Variants in ZNF610 observed in about 807,000 individuals in gnomAD.
ZNF610 encodes the protein zink finger protein.
Under a neutral mutation model 14.1 loss-of-function variants are expected in ZNF610, and 14 were observed. The observed-to-expected ratio is 0.99, with a 90% CI of 0.65 to 1.55. The LOEUF is 1.55. Among genes scored for constraint, ZNF610 ranks in the 40% most tolerant of loss-of-function variants. The pLI is 0.00. For synonymous variants in ZNF610, 185 were observed against 187.6 expected, an observed-to-expected ratio of 0.99 and a Z score of 0.11; for missense variants, 530 against 558.0, an observed-to-expected ratio of 0.95 and a Z score of 0.51.
Position 52,366,590 on chromosome 19 carries a change from A to G in ZNF610, c.1212A>G (p.Glu404=), listed in dbSNP as rs1986077530. The G allele has an allele frequency of 1.2e-6, 2 of 1,614,106 alleles. No individual in the cohort carries two copies. The highest frequency in any genetic ancestry group is 1.3e-5 in the African/African-American group (1 of 74,934). ...GAGAGAAACCTTACAAATGTAATGA[A>G]TGTGACAAAGTCTTTGGGCGCAAAT... ...HTGEKPYKCN[E]CDKVFGRKLY... The change falls in exon 6 of 6, where the codon GAA becomes GAG. Residue 404 remains glutamate (E), a synonymous_variant. Coordinates refer to ENST00000403906, the MANE Select transcript of ZNF610 (RefSeq NM_001161425.2).
At chr19:52,344,863 A>G (rs1338498978) in intron 1 of ZNF610, among the ~76,000 whole-genome samples, 1 of 152,090 alleles carries the variant, frequency 6.6e-6, no homozygotes, top group African/African-American at 2.4e-5. Context: ...GCTCACTGCA[A>G]CCTCTGCCTC....
upstream of ZNF610, among the ~76,000 whole-genome samples, chr19:52,334,820 T>G (rs977698070): frequency 6.6e-6 from 1 of 151,768 alleles, no homozygotes; most frequent in Non-Finnish European, 1.5e-5. Context: ...CCCCAGCTAC[T>G]TGGGAGGCTG....
In ZNF610 at chr19:52,366,227, T is replaced by C. The variant is rs1986038228; in HGVS notation, c.849T>C (p.Thr283=). 1.9e-6 allele frequency: 3 copies of C among 1,613,980 alleles called. No homozygotes were observed. Among genetic ancestry groups the C allele is most frequent in the Admixed American group, 1.7e-5 (1 of 59,988 alleles). ...TTGCACGACATCAAAGAATTCATAC[T>C]GGAGAGAAGCCTCACAAATGTAACG... The part of the protein sequence containing the change: ...SNLARHQRIH[T]GEKPHKCNEC... Residue 283 remains threonine, a synonymous_variant, in exon 6 of 6, where the codon ACT becomes ACC. Coordinates refer to ENST00000403906, the MANE Select transcript of ZNF610 (RefSeq NM_001161425.2).
intron 1 of ZNF610, among the ~76,000 whole-genome samples, chr19:52,337,961 A>G (rs1312957682): frequency 6.6e-6 from 1 of 152,210 alleles, no homozygotes; most frequent in Non-Finnish European, 1.5e-5. Flanking sequence ...CTTACAATCA[A>G]CACAATAGTG....
At chr19:52,364,960 GAT>G (rs1985945891) in intron 5 of ZNF610, among the ~76,000 whole-genome samples, 1 of 151,958 alleles carries the variant, frequency 6.6e-6, no homozygotes, top group African/African-American at 2.4e-5. Flanking sequence ...GATGTTTAAT[GAT>G]AGGCTGGGCA....
At chr19:52,335,894 G>A (rs958851307), upstream of ZNF610, among the ~76,000 whole-genome samples, 1 of 152,054 alleles carries the variant, frequency 6.6e-6, no homozygotes, top group Non-Finnish European at 1.5e-5. Context: ...GTATAGCACT[G>A]GGTCTACACT....
chr19:52,366,675 T>A lies in ZNF610; in HGVS notation c.1297T>A (p.Cys433Ser). Residue 433 changes from cysteine (C) to serine (S), a missense_variant, in exon 6 of 6, where the codon TGT (cysteine) becomes AGT (serine). Physicochemically the swap from Cys to Ser is moderately radical, Grantham distance 112 (BLOSUM62 -1). Transcript: ENST00000403906. Reference sequence around the variant, plus strand: ...AGAGAGACCTTACAAGTGTAATGCATGTGGCAAGGTCTTCAATCAAAATCC... The same window carrying A: ...AGAGAGACCTTACAAGTGTAATGCAAGTGGCAAGGTCTTCAATCAAAATCC... Reference protein sequence around the residue: ...TGERPYKCNACGKVFNQNPHL... With the variant: ...TGERPYKCNASGKVFNQNPHL... The A allele has an allele frequency of 6.2e-7, 1 of 1,614,254 alleles. No homozygotes were observed. Among genetic ancestry groups the A allele is most frequent in the Non-Finnish European group, 8.5e-7 (1 of 1,180,052 alleles).
Position 52,353,748 on chromosome 19 carries a change from G to C in ZNF610, c.130G>C (p.Gly44Arg). 1 of 1,613,928 alleles carries C rather than the reference G, an allele frequency of 6.2e-7. No homozygotes were observed. The highest frequency in any genetic ancestry group is 8.5e-7 in the Non-Finnish European group (1 of 1,179,956). ...GGAGGAGTGGAAATCCCTGGACCCT[G>C]GACAGAGGGCTTTATACAGGGACGT... ...SQEEWKSLDPGQRALYRDVML... is the reference protein window; with the variant it reads ...SQEEWKSLDPRQRALYRDVML... The change falls in exon 4 of 6, where the codon GGA becomes CGA. Residue 44 changes from glycine (G) to arginine (R), a missense_variant. Transcript: ENST00000403906.
rs754738374 is a variant in ZNF610 at position 52,353,748 on chromosome 19, G to T, written c.130G>T (p.Gly44Ter). The change falls in exon 4 of 6, where the codon GGA (glycine) becomes TGA (stop). Residue 44 changes from glycine (G) to a stop codon, truncating the protein, a stop_gained. Transcript: ENST00000403906. LOFTEE classifies it high-confidence loss of function. ...SQEEWKSLDP[G>*]QRALYRDVML... is the part of the protein sequence containing the mutation. The stretch of plus-strand genomic sequence containing the variant: ...GGAGGAGTGGAAATCCCTGGACCCT[G>T]GACAGAGGGCTTTATACAGGGACGT... 2 of 1,613,928 alleles carry T rather than the reference G, an allele frequency of 1.2e-6. No homozygotes were observed. Among genetic ancestry groups the T allele is most frequent in the Admixed American group, 3.3e-5 (2 of 59,986 alleles).
intron 1 of ZNF610, among the ~76,000 whole-genome samples, chr19:52,343,215 G>A (rs148763050): frequency 1.0e-3 from 153 of 152,324 alleles, no homozygotes; most frequent in African/African-American, 3.3e-3. Flanking sequence ...AAATGTAGGA[G>A]ATATTTTCTT....
chr19:52,360,030 C>T (rs960279036), intron 5 of ZNF610, among the ~76,000 whole-genome samples: 2 of 152,148 alleles, frequency 1.3e-5, no homozygotes, highest in Non-Finnish European at 2.9e-5. Flanking sequence ...AGCTTCTCTG[C>T]CCTCCCTGCG....
chr19:52,347,984 A>G (rs1209956729), intron 2 of ZNF610, 40 bp downstream of exon 2: 2 of 152,174 alleles, frequency 1.3e-5, no homozygotes, highest in Non-Finnish European at 1.5e-5. Flanking sequence ...TTAAACATGT[A>G]TATCATATTA....
upstream of ZNF610, among the ~76,000 whole-genome samples, chr19:52,333,565 T>C (rs62108268): frequency 0.082 from 12,422 of 152,244 alleles, 778 homozygotes; most frequent in African/African-American, 0.17. Flanking sequence ...CTAATAATGG[T>C]CACTGTTGTT....
chr19:52,340,749 C>T (rs1406992780), intron 1 of ZNF610, among the ~76,000 whole-genome samples: 10 of 152,012 alleles, frequency 6.6e-5, no homozygotes, highest in Non-Finnish European at 1.5e-5. Flanking sequence ...GGCGCAATCT[C>T]CACTCACTAC....
chr19:52,365,565 C>T (rs879581361), intron 5 of ZNF610, 133 bp from the exon 6 acceptor site: 3 of 820,012 alleles, frequency 3.7e-6, no homozygotes, highest in Admixed American at 2.5e-5. Flanking sequence ...TTTCAGCTCT[C>T]ACAATGTGAC....
At chr19:52,332,383 C>T (rs61263392), upstream of ZNF610, among the ~76,000 whole-genome samples, 1,171 of 152,262 alleles carry the variant, frequency 7.7e-3, 17 homozygotes, top group African/African-American at 0.027. The surrounding 1 kb of genome is among the most constrained non-coding windows in gnomAD (Gnocchi z 4.1). Context: ...GAAACAGGCT[C>T]ATCAAAAAGG....
At chr19:52,336,663 A>T (rs1984396710) in intron 1 of ZNF610, among the ~76,000 whole-genome samples, 157 bp downstream of exon 1, 2 of 152,164 alleles carry the variant, frequency 1.3e-5, no homozygotes, top group African/African-American at 4.8e-5. Context: ...CCGCAGCCCC[A>T]GTCCCGGCGG....
At chr19:52,340,039 A>G (rs1288017957) in intron 1 of ZNF610, among the ~76,000 whole-genome samples, 2 of 152,156 alleles carry the variant, frequency 1.3e-5, no homozygotes, top group African/African-American at 4.8e-5. Context: ...ATCTGTGCCT[A>G]TCTCCAAGTA....
intron 3 of ZNF610, among the ~76,000 whole-genome samples, chr19:52,350,198 A>G (rs1402132399): frequency 6.6e-6 from 1 of 152,134 alleles, no homozygotes; most frequent in Non-Finnish European, 1.5e-5. Context: ...TTATTTTTTT[A>G]TGTTAAACAT....
Sources: gnomAD v4.1 joint callset for allele counts (sites outside exome capture counted in the v4.1 genomes callset) on GRCh38, gnomAD v4.1.1 for gene constraint, Gnocchi (gnomAD v3.1) non-coding constraint, MANE v1.5 for transcripts, NCBI Gene and HGNC (gene_info 2026-07-23, HGNC 2026-07-21) for gene names.